Variants in GABRA5 observed in about 807,000 individuals in gnomAD.
GABRA5 encodes gamma-aminobutyric acid receptor subunit alpha-5.
In GABRA5, 18 loss-of-function variants were observed where a neutral mutation model predicts 47.3. The ratio of observed to expected loss-of-function variants is 0.38; its 90% CI spans 0.26 to 0.56. The LOEUF (loss-of-function observed/expected upper bound fraction) is 0.56, where lower values mean the gene tolerates loss of function less well. Among genes scored for constraint, GABRA5 ranks in the 20% least tolerant of loss-of-function variants. GABRA5 has a pLI of 0.71. For missense variants in GABRA5, 365 were observed against 599.3 expected, an observed-to-expected ratio of 0.61 and a Z score of 4.08; for synonymous variants, 237 against 229.3, an observed-to-expected ratio of 1.03 and a Z score of -0.30.
chr15:26,920,089 T>C (rs1210548988), intron 7 of GABRA5, among the ~76,000 whole-genome samples: 1 of 152,156 alleles, frequency 6.6e-6, no homozygotes, highest in Non-Finnish European at 1.5e-5. Context: ...TGGGTTTGCC[T>C]TATTTGGAAT....
chr15:26,897,004 CTCTACATCTTAG>C (rs1300671087), intron 6 of GABRA5, among the ~76,000 whole-genome samples: 8 of 25,890 alleles, frequency 3.1e-4, no homozygotes, highest in Admixed American at 1.1e-3. Flanking sequence ...AGAAAAAAAT[CTCTACATCTTAG>C]AGATGTAGAG....
At chr15:26,881,448 A>C (rs1892727786) in intron 4 of GABRA5, among the ~76,000 whole-genome samples, 1 of 152,186 alleles carries the variant, frequency 6.6e-6, no homozygotes, top group Non-Finnish European at 1.5e-5. Context: ...TTAGTGCTTC[A>C]CTATGGCCAT....
chr15:26,881,080 G>A, intron 4 of GABRA5, 113 bp downstream of exon 4: 1 of 1,239,934 alleles, frequency 8.1e-7, no homozygotes, highest in South Asian at 1.8e-5. Flanking sequence ...TTCCCTGCCA[G>A]GATTTTGGTA....
At chr15:26,893,614 C>T (rs1314398576) in intron 6 of GABRA5, among the ~76,000 whole-genome samples, 1 of 151,980 alleles carries the variant, frequency 6.6e-6, no homozygotes, top group Non-Finnish European at 1.5e-5. Context: ...TCGCCCATCC[C>T]TTCGACCACT....
In GABRA5 at chr15:26,880,899, C is replaced by T; in HGVS notation, c.140C>T (p.Thr47Met). 1 of 1,613,924 alleles carries T rather than the reference C, an allele frequency of 6.2e-7. No individual in the cohort carries two copies. The change falls in exon 4 of 11, where the codon ACG (threonine) becomes ATG (methionine). Residue 47 changes from threonine (T) to methionine (M), a missense_variant. Physicochemically the swap from Thr to Met is moderately conservative, Grantham distance 81. Around this residue, in one of 3 missense-constraint regions of GABRA5, gnomAD observed 216 missense variants for 335.3 expected, o/e 0.64. Coordinates refer to ENST00000335625, the MANE Select transcript of GABRA5 (RefSeq NM_000810.4). Reference sequence around the variant, plus strand: ...AAAGATGAGACCAATGACAACATCACGATATTTACCAGGATCTTGGATGGG... The same window carrying T: ...AAAGATGAGACCAATGACAACATCATGATATTTACCAGGATCTTGGATGGG... The part of the protein sequence containing the change: ...SVKDETNDNI[T>M]IFTRILDGLL...
At chr15:26,899,132 G>T (rs1893267990) in intron 6 of GABRA5, among the ~76,000 whole-genome samples, 1 of 151,992 alleles carries the variant, frequency 6.6e-6, no homozygotes, top group African/African-American at 2.4e-5. Flanking sequence ...TAAAGTGCTG[G>T]GATTACAGGT....
At position 26,868,070 on chromosome 15, in the gene GABRA5, G is replaced by C. The variant is rs1405884217; in HGVS notation, c.-139-659G>C. The C allele has an allele frequency of 2.6e-5, 4 of 151,916 alleles. No individual in the cohort carries two copies. The East Asian group carries it at 7.7e-4, about 29-fold the overall frequency. The allele number at this position is 151,916 out of a possible 1,614,324, so 9.4% of individuals were successfully genotyped here. Reference sequence around the variant, plus strand: ...GCTGCGGCTCCGCAGTGCAGCCCCCGCGCCCACCTGCCCTGGCGCGCCGGC... The same window carrying C: ...GCTGCGGCTCCGCAGTGCAGCCCCCCCGCCCACCTGCCCTGGCGCGCCGGC... On this transcript the variant is annotated intron_variant, in intron 1 of 10. Coordinates refer to ENST00000335625, the MANE Select transcript of GABRA5 (RefSeq NM_000810.4).
chr15:26,893,360 G>T (rs1893073773), intron 6 of GABRA5, among the ~76,000 whole-genome samples: 1 of 610 alleles, frequency 1.6e-3, no homozygotes. Context: ...TGTGTGTATG[G>T]TGTGTAGCGT....
intron 7 of GABRA5, among the ~76,000 whole-genome samples, chr15:26,930,389 T>C (rs1247108224): frequency 1.3e-5 from 2 of 152,146 alleles, no homozygotes; most frequent in African/African-American, 4.8e-5. Flanking sequence ...GAGAAACAGG[T>C]CACTTCAACA....
intron 9 of GABRA5, among the ~76,000 whole-genome samples, chr15:26,941,796 C>T (rs1335642316): frequency 6.6e-6 from 1 of 152,162 alleles, no homozygotes; most frequent in Non-Finnish European, 1.5e-5. Flanking sequence ...CGCCCTCACA[C>T]GGCATGCTCC....
At chr15:26,895,745 G>T (rs1439448587) in intron 6 of GABRA5, among the ~76,000 whole-genome samples, 1 of 150,114 alleles carries the variant, frequency 6.7e-6, no homozygotes, top group East Asian at 2.0e-4. Flanking sequence ...CCCGGGAGGC[G>T]GAGGTTGCAG....
At chr15:26,938,935 G>A (rs1894314133) in intron 8 of GABRA5, among the ~76,000 whole-genome samples, 1 of 152,230 alleles carries the variant, frequency 6.6e-6, no homozygotes, top group South Asian at 2.1e-4. Flanking sequence ...CAACTGTGCT[G>A]TCAGACTCTA....
intron 3 of GABRA5, 25 bp from the exon 4 acceptor site, chr15:26,880,821 T>A (rs559605053): frequency 6.2e-7 from 1 of 1,611,730 alleles, no homozygotes; most frequent in South Asian, 1.1e-5. Flanking sequence ...GTTTTAACGC[T>A]TCCTCTTGTT....
chr15:26,939,932 C>A lies in GABRA5; in HGVS notation c.732C>A (p.Tyr244Ter). The change falls in exon 9 of 11, where the codon TAC becomes TAA. Residue 244 changes from tyrosine (Y) to a stop codon, truncating the protein, a stop_gained. Coordinates refer to ENST00000335625, the MANE Select transcript of GABRA5 (RefSeq NM_000810.4). LOFTEE classifies it high-confidence loss of function. ...TENISTSTGE[Y>*]TIMTAHFHLK... ...TCATTTGCTTATTTGCAGGCGAATACACAATCATGACAGCTCACTTCCACC... is the reference window on the plus strand; with the variant it reads ...TCATTTGCTTATTTGCAGGCGAATAAACAATCATGACAGCTCACTTCCACC... 6.2e-7 allele frequency: 1 copy of A among 1,613,998 alleles called. No individual in the cohort carries two copies. The highest frequency in any genetic ancestry group is 8.5e-7 in the Non-Finnish European group (1 of 1,179,890).
chr15:26,886,271 C>T (rs1311090214), intron 6 of GABRA5, among the ~76,000 whole-genome samples: 5 of 152,270 alleles, frequency 3.3e-5, no homozygotes, highest in East Asian at 1.9e-4. Context: ...CCACTGGCCT[C>T]GGCCTCCCAA....
At chr15:26,870,831 G>A (rs147537438) in intron 3 of GABRA5, among the ~76,000 whole-genome samples, 3 of 152,264 alleles carry the variant, frequency 2.0e-5, no homozygotes, top group East Asian at 1.9e-4. Context: ...TTGATATACC[G>A]CATATATTTG....
chr15:26,925,173 A>G (rs924009596), intron 7 of GABRA5, among the ~76,000 whole-genome samples: 1 of 151,892 alleles, frequency 6.6e-6, no homozygotes, highest in Non-Finnish European at 1.5e-5. Context: ...TCTTTCACCA[A>G]ATTTGAGGCA....
At chr15:26,918,418 G>A (rs1369400888) in intron 7 of GABRA5, among the ~76,000 whole-genome samples, 1 of 152,122 alleles carries the variant, frequency 6.6e-6, no homozygotes, top group Admixed American at 6.5e-5. Context: ...TGAATGTTCT[G>A]TATGTGCTTT....
intron 7 of GABRA5, among the ~76,000 whole-genome samples, chr15:26,925,680 TC>T (rs1212717132): frequency 6.6e-6 from 1 of 152,190 alleles, no homozygotes; most frequent in African/African-American, 2.4e-5. Flanking sequence ...TGAGCACAGG[TC>T]CTTTTTTTTT....
Sources: allele counts gnomAD v4.1 joint callset (sites outside exome capture counted in the v4.1 genomes callset), GRCh38; gene constraint gnomAD v4.1.1; regional missense constraint gnomAD v4.1.1; transcripts MANE v1.5; gene names NCBI Gene and HGNC (gene_info 2026-07-23, HGNC 2026-07-21).